The following TYW1 variants were observed in gnomAD, a reference collection of about 807,000 sequenced individuals.
The protein encoded by TYW1 is tRNA-yW synthesizing protein 1 homolog, also known as S-adenosyl-L-methionine-dependent tRNA 4-demethylwyosine synthase TYW1.
A neutral mutation model predicts 96.2 loss-of-function variants in TYW1; 46 were observed. The ratio of observed to expected loss-of-function variants is 0.48; its 90% CI spans 0.38 to 0.61. TYW1 has a LOEUF of 0.61. Ranked by LOEUF, TYW1 falls within the 20% of genes least tolerant of loss-of-function variation. The pLI is 0.00. For synonymous variants in TYW1, 274 were observed against 323.0 expected (o/e 0.85, Z 1.63); for missense variants, 684 against 909.6 (o/e 0.75, Z 3.19).
chr7:67,040,606 A>G (rs1032806038), intron 7 of TYW1, among the ~76,000 whole-genome samples: 3 of 152,110 alleles, frequency 2.0e-5, no homozygotes, highest in Non-Finnish European at 4.4e-5. Flanking sequence ...GCTCTTTGGG[A>G]AGCCTAGACA....
intron 9 of TYW1, among the ~76,000 whole-genome samples, chr7:67,064,365 A>G (rs1795795084): frequency 6.6e-6 from 1 of 152,338 alleles, no homozygotes; most frequent in Middle Eastern, 3.4e-3. Context: ...AAATCAAGGG[A>G]AAGACTAGAG....
intron 15 of TYW1, among the ~76,000 whole-genome samples, chr7:67,229,946 T>A (rs1220655278): frequency 1.3e-5 from 2 of 151,946 alleles, no homozygotes; most frequent in Non-Finnish European, 2.9e-5. Flanking sequence ...AGGAAGACCC[T>A]GTCTCTAAAA....
At chr7:67,093,002 A>G (rs1796775132) in intron 11 of TYW1, among the ~76,000 whole-genome samples, 1 of 151,968 alleles carries the variant, frequency 6.6e-6, no homozygotes, top group Non-Finnish European at 1.5e-5. Flanking sequence ...GTCTTTACCA[A>G]AAATTTAAAA....
intron 13 of TYW1, among the ~76,000 whole-genome samples, chr7:67,129,406 G>A (rs1428417978): frequency 6.6e-6 from 1 of 152,170 alleles, no homozygotes; most frequent in Non-Finnish European, 1.5e-5. Context: ...GAATTTTTAT[G>A]TGTCAGACTT....
At chr7:66,997,008 C>A in intron 1 of TYW1, 26 bp downstream of exon 1, 10 of 1,613,932 alleles carry the variant, frequency 6.2e-6, no homozygotes, top group Non-Finnish European at 7.6e-6. Flanking sequence ...GGGCAAGGAC[C>A]CTGGGGCGGC....
chr7:67,164,636 G>C (rs1213686792), intron 13 of TYW1, among the ~76,000 whole-genome samples: 2 of 149,664 alleles, frequency 1.3e-5, no homozygotes, highest in Non-Finnish European at 3.0e-5. Context: ...GTTACCCCTT[G>C]TCAACAAATA....
At chr7:67,164,392 T>G (rs888205599) in intron 13 of TYW1, among the ~76,000 whole-genome samples, 3 of 152,002 alleles carry the variant, frequency 2.0e-5, no homozygotes, top group African/African-American at 7.2e-5. Context: ...GGTGGATCAC[T>G]TGAGGTCAGG....
intron 15 of TYW1, among the ~76,000 whole-genome samples, chr7:67,209,611 C>T (rs535136087): frequency 1.3e-5 from 2 of 152,186 alleles, no homozygotes; most frequent in Middle Eastern, 3.4e-3. Context: ...CTTACTCTGT[C>T]ACCCAGATTG....
At chr7:67,023,415 C>T (rs140674899) in intron 6 of TYW1, among the ~76,000 whole-genome samples, 1 of 151,944 alleles carries the variant, frequency 6.6e-6, no homozygotes, top group Non-Finnish European at 1.5e-5. Flanking sequence ...TTAAAGTGAC[C>T]CTTGAGTTAC....
At position 67,117,553 on chromosome 7, in the gene TYW1, G is replaced by T. The variant is rs752107984; in HGVS notation, c.1633G>T (p.Asp545Tyr). 1.2e-6 allele frequency: 2 copies of T among 1,614,008 alleles called. No homozygotes were observed. The highest frequency in any genetic ancestry group is 2.2e-5 in the South Asian group (2 of 91,070). Residue 545 changes from aspartate to tyrosine, a missense_variant, in exon 13 of 16, where the codon GAC becomes TAC. Asp to Tyr is a radical substitution (Grantham distance 160). Transcript: ENST00000359626. ...ASTKDSLKKI[D>Y]RPLFKDFWQR... The stretch of plus-strand genomic sequence containing the variant: ...TACCAAAGACAGCCTGAAGAAAATC[G>T]ACCGCCCACTCTTCAAGGATTTCTG...
chr7:67,045,833 G>T (rs954923643), intron 7 of TYW1, among the ~76,000 whole-genome samples: 1 of 152,208 alleles, frequency 6.6e-6, no homozygotes, highest in African/African-American at 2.4e-5. Flanking sequence ...TCCCTTAGGA[G>T]AAATCAAGGC....
chr7:67,112,058 C>G (rs529730516), intron 12 of TYW1, among the ~76,000 whole-genome samples: 1 of 135,750 alleles, frequency 7.4e-6, no homozygotes, highest in African/African-American at 2.7e-5. Context: ...AAGATTGTGC[C>G]ATTGCACTCC....
intron 9 of TYW1, among the ~76,000 whole-genome samples, chr7:67,057,953 C>G (rs1052257817): frequency 6.6e-6 from 1 of 152,134 alleles, no homozygotes; most frequent in Non-Finnish European, 1.5e-5. Flanking sequence ...GACATTTCTG[C>G]CAACCACAAG....
At chr7:67,146,690 C>G (rs1798619770) in intron 13 of TYW1, among the ~76,000 whole-genome samples, 1 of 152,192 alleles carries the variant, frequency 6.6e-6, no homozygotes, top group African/African-American at 2.4e-5. Flanking sequence ...AATTATATCA[C>G]TTGGGATTCA....
rs190707694 is a variant in TYW1 at position 67,174,883 on chromosome 7, T to G, written c.1699-8243T>G. On this transcript the variant is annotated intron_variant, in intron 13 of 15. Transcript: ENST00000359626. ...AGATAGGAGGATATTTTGAATTACT[T>G]TATGCCAATTAATTTGGGAATTTAG... Among the ~76,000 whole-genome samples, 856 of 152,232 alleles carry G rather than the reference T, an allele frequency of 5.6e-3. 6 individuals carry two copies. Among genetic ancestry groups the G allele is most frequent in the African/African-American group, 0.019 (801 of 41,526 alleles).
At chr7:67,029,002 CTT>C (rs752751448) in intron 7 of TYW1, among the ~76,000 whole-genome samples, 7 of 144,744 alleles carry the variant, frequency 4.8e-5, no homozygotes, top group African/African-American at 7.6e-5. Flanking sequence ...CTGATATGGA[CTT>C]TTTTTTTTTT....
At chr7:67,023,723 ACG>A (rs1405510141) in intron 6 of TYW1, among the ~76,000 whole-genome samples, 3 of 152,062 alleles carry the variant, frequency 2.0e-5, no homozygotes, top group Non-Finnish European at 4.4e-5. Context: ...AGCCAAGATC[ACG>A]CCACTGCACT....
chr7:67,014,601 A>G, intron 5 of TYW1, 40 bp downstream of exon 5: 1 of 1,575,104 alleles, frequency 6.3e-7, no homozygotes, highest in Middle Eastern at 1.7e-4. Flanking sequence ...TTCTCCCCAT[A>G]AACACACACA....
At chr7:67,207,717 CTTTTTTTTTTTT>C (rs749961615) in intron 15 of TYW1, among the ~76,000 whole-genome samples, 30,810 of 101,488 alleles carry the variant, frequency 0.3, 4,348 homozygotes, top group Middle Eastern at 0.43. Context: ...TTTTGTTTGC[CTTTTTTTTTTTT>C]TTTTTTTTGG....
Sources: gnomAD v4.1 joint callset for allele counts (sites outside exome capture counted in the v4.1 genomes callset) on GRCh38, gnomAD v4.1.1 for gene constraint, MANE v1.5 for transcripts, NCBI Gene and HGNC (gene_info 2026-07-23, HGNC 2026-07-21) for gene names.